The following S100A8 variants were observed in gnomAD, a reference collection of about 807,000 sequenced individuals.
S100A8 encodes protein S100-A8.
S100A8 carries 1 observed loss-of-function variant against 4.2 expected under a neutral mutation model. That is an observed-to-expected ratio of 0.24 (90% CI 0.08 to 1.12). S100A8 has a LOEUF of 1.12. S100A8 is among the 50% of genes most tolerant of loss of function. S100A8 has a pLI of 0.53. For synonymous variants in S100A8, 41 were observed against 44.7 expected, an observed-to-expected ratio of 0.92 and a Z score of 0.33; for missense variants, 96 against 111.8, an observed-to-expected ratio of 0.86 and a Z score of 0.64.
upstream of S100A8, among the ~76,000 whole-genome samples, chr1:153,393,945 G>A (rs540538890): frequency 6.6e-6 from 1 of 152,318 alleles, no homozygotes; most frequent in African/African-American, 2.4e-5. Context: ...AGGCTGACCA[G>A]CAAGATCGTG....
At chr1:153,402,974 A>G in the S100A8 span, among the ~76,000 whole-genome samples, 4 of 149,036 alleles carry the variant, frequency 2.7e-5, no homozygotes, top group African/African-American at 1.0e-4. Context: ...CGTATGGTAT[A>G]TTTATTCTGT....
chr1:153,416,822 T>C, the S100A8 span, among the ~76,000 whole-genome samples: 7 of 152,242 alleles, frequency 4.6e-5, no homozygotes, highest in Non-Finnish European at 7.3e-5. Flanking sequence ...CAGTGGGACC[T>C]GAGCACAGGA....
chr1:153,411,863 C>G, the S100A8 span, among the ~76,000 whole-genome samples: 19 of 152,092 alleles, frequency 1.2e-4, no homozygotes, highest in Middle Eastern at 3.4e-3. Flanking sequence ...ACAAACCTGA[C>G]AAAAACAAGA....
At chr1:153,397,225 AC>A in the S100A8 span, among the ~76,000 whole-genome samples, 1 of 152,198 alleles carries the variant, frequency 6.6e-6, no homozygotes, top group Admixed American at 6.5e-5. Context: ...AGCAGAGTCG[AC>A]CTGGCCCTCG....
upstream of S100A8, among the ~76,000 whole-genome samples, chr1:153,393,567 T>C (rs529047394): frequency 2.2e-4 from 34 of 152,280 alleles, 1 homozygote; most frequent in Admixed American, 2.1e-3. Context: ...TATAAATTCA[T>C]CAAACAAATG....
chr1:153,421,709 C>T, the S100A8 span: 1 of 152,214 alleles, frequency 6.6e-6, no homozygotes, highest in African/African-American at 2.4e-5. Flanking sequence ...AGAGGGTCTC[C>T]CTGGGGTGGG....
the S100A8 span, among the ~76,000 whole-genome samples, chr1:153,400,316 C>T: frequency 6.6e-6 from 1 of 152,148 alleles, no homozygotes; most frequent in Admixed American, 6.5e-5. Context: ...GACCTTCAGG[C>T]TCGACATCCC....
chr1:153,403,897 G>A, the S100A8 span, among the ~76,000 whole-genome samples: 2 of 152,072 alleles, frequency 1.3e-5, no homozygotes, highest in Admixed American at 1.3e-4. Context: ...GACCCCACAA[G>A]GTGAAGGCTC....
Position 153,390,169 on chromosome 1 carries a change from G to A in S100A8, c.216C>T (p.Leu72=), listed in dbSNP as rs1662050328. The change falls in exon 3 of 3, where the codon CTC becomes CTT. Residue 72 remains leucine, a synonymous_variant. Transcript: ENST00000368733. ...CCACGCCCATCTTTATCACCAGAAT[G>A]AGGAACTCCTGGAAGTTAACTGCAC... ...TDGAVNFQEF[L]ILVIKMGVAA... is the part of the protein sequence containing the mutation. The A allele has an allele frequency of 6.2e-7, 1 of 1,614,052 alleles. No individual in the cohort carries two copies.
chr1:153,415,518 A>G, the S100A8 span, among the ~76,000 whole-genome samples: 2 of 152,100 alleles, frequency 1.3e-5, no homozygotes, highest in Non-Finnish European at 2.9e-5. Flanking sequence ...TGCCTTCCCA[A>G]CCCTCTTGCC....
At chr1:153,405,260 C>T in the S100A8 span, among the ~76,000 whole-genome samples, 3 of 151,652 alleles carry the variant, frequency 2.0e-5, no homozygotes, top group South Asian at 4.2e-4. Flanking sequence ...ATGCGGCCTC[C>T]GAGAAAGCAA....
upstream of S100A8, among the ~76,000 whole-genome samples, chr1:153,393,829 C>T (rs1662156650): frequency 6.6e-6 from 1 of 152,190 alleles, no homozygotes; most frequent in South Asian, 2.1e-4. Context: ...GTATAATTAT[C>T]CCTATTTGAC....
chr1:153,393,253 A>G (rs774850205), upstream of S100A8, among the ~76,000 whole-genome samples: 2 of 152,072 alleles, frequency 1.3e-5, no homozygotes, highest in African/African-American at 2.4e-5. Flanking sequence ...CCCTCACCCC[A>G]TCAAGGCAGA....
chr1:153,417,855 T>C, the S100A8 span: 294 of 546,204 alleles, frequency 5.4e-4, 1 homozygote, highest in South Asian at 5.4e-3. Context: ...CCTGCATCTC[T>C]TCTTGGCCCT....
chr1:153,399,169 C>T, the S100A8 span, among the ~76,000 whole-genome samples: 1 of 152,176 alleles, frequency 6.6e-6, no homozygotes, highest in South Asian at 2.1e-4. Context: ...CAGGAGGCAC[C>T]TGTGTGAGCC....
At chr1:153,396,888 C>T in the S100A8 span, 1 of 152,270 alleles carries the variant, frequency 6.6e-6, no homozygotes, top group Non-Finnish European at 1.5e-5. Flanking sequence ...AAGGAAATGA[C>T]TCCTCACTCC....
At chr1:153,418,862 T>G in the S100A8 span, among the ~76,000 whole-genome samples, 1 of 152,132 alleles carries the variant, frequency 6.6e-6, no homozygotes, top group Non-Finnish European at 1.5e-5. Context: ...AGATTGAGGC[T>G]GGGGCAGGGG....
the S100A8 span, among the ~76,000 whole-genome samples, chr1:153,412,742 C>T: frequency 2.7e-4 from 41 of 152,230 alleles, no homozygotes; most frequent in Non-Finnish European, 1.0e-4. Flanking sequence ...CCCAAATGTC[C>T]ATCAATGATA....
At chr1:153,402,580 G>A in the S100A8 span, among the ~76,000 whole-genome samples, 1 of 152,148 alleles carries the variant, frequency 6.6e-6, no homozygotes, top group Non-Finnish European at 1.5e-5. Flanking sequence ...ACAAGCCAAC[G>A]AGGACTTTGC....
Sources: allele counts gnomAD v4.1 joint callset (sites outside exome capture counted in the v4.1 genomes callset), GRCh38; gene constraint gnomAD v4.1.1; transcripts MANE v1.5; gene names NCBI Gene and HGNC (gene_info 2026-07-23, HGNC 2026-07-21).